The following LPIN1 variants were observed in gnomAD, a reference collection of about 807,000 sequenced individuals.
The protein encoded by LPIN1 is lipin 1, also known as phosphatidate phosphatase LPIN1.
Under a neutral mutation model 107.5 loss-of-function variants are expected in LPIN1, and 71 were observed. That is an observed-to-expected ratio of 0.66 (90% CI 0.55 to 0.80). LPIN1 has a LOEUF of 0.80. Ranked by LOEUF, LPIN1 falls within the 30% of genes least tolerant of loss-of-function variation. LPIN1 has a pLI of 0.00. For missense variants in LPIN1, 1,043 were observed against 1,160.6 expected, an observed-to-expected ratio of 0.90 and a Z score of 1.47; for synonymous variants, 445 against 452.6, an observed-to-expected ratio of 0.98 and a Z score of 0.21.
Position 11,756,125 on chromosome 2 carries a change from C to T in LPIN1, c.-9-9408C>T, listed in dbSNP as rs1017052665. Among the ~76,000 whole-genome samples, 14 of 152,186 alleles carry T rather than the reference C, an allele frequency of 9.2e-5. 1 individual carries two copies. Among genetic ancestry groups the T allele is most frequent in the Admixed American group, 2.6e-4 (4 of 15,276 alleles). ...ATTTATTGAGACAGTTTTGCATTTG[C>T]ATTTGCTCGGCCAGTCTTATATATA... is the stretch of plus-strand genomic sequence containing the variant. On this transcript the variant is annotated intron_variant, in intron 1 of 20. Transcript: ENST00000674199.
At chr2:11,807,800 C>T (rs142614733) in intron 17 of LPIN1, among the ~76,000 whole-genome samples, 1 of 152,286 alleles carries the variant, frequency 6.6e-6, no homozygotes, top group African/African-American at 2.4e-5. Flanking sequence ...TTCTGAAAAC[C>T]CATCTTCAGG....
At chr2:11,689,687 T>A (rs1312500884) in intron 1 of LPIN1, among the ~76,000 whole-genome samples, 7 of 152,156 alleles carry the variant, frequency 4.6e-5, no homozygotes. Flanking sequence ...GCAGATTGTC[T>A]GAGGTCAGGA....
At chr2:11,779,210 T>C (rs929886298) in intron 6 of LPIN1, among the ~76,000 whole-genome samples, 4 of 152,190 alleles carry the variant, frequency 2.6e-5, no homozygotes, top group African/African-American at 9.7e-5. Context: ...CTTTTTGAGG[T>C]AAGAACAGAC....
chr2:11,734,465 C>T (rs1299819222), intron 1 of LPIN1, among the ~76,000 whole-genome samples: 1 of 152,216 alleles, frequency 6.6e-6, no homozygotes, highest in Non-Finnish European at 1.5e-5. Flanking sequence ...AGTAAGAGCA[C>T]TTGACGGCAC....
At chr2:11,726,777 A>G (rs76555184) in intron 1 of LPIN1, among the ~76,000 whole-genome samples, 2,679 of 152,290 alleles carry the variant, frequency 0.018, 28 homozygotes, top group African/African-American at 0.022. Context: ...ACGATCCTCA[A>G]TGTAGTGAGT....
At chr2:11,783,999 G>T (rs1455661779) in intron 9 of LPIN1, 77 bp downstream of exon 9, 2 of 1,608,320 alleles carry the variant, frequency 1.2e-6, no homozygotes, top group Non-Finnish European at 1.7e-6. Context: ...TTCCCCTTAT[G>T]TTTGATTAGA....
intron 17 of LPIN1, among the ~76,000 whole-genome samples, chr2:11,806,960 G>C (rs956194250): frequency 1.3e-5 from 2 of 151,758 alleles, no homozygotes; most frequent in Non-Finnish European, 2.9e-5. Context: ...TTTTGCTACT[G>C]GGCAGAATCC....
intron 10 of LPIN1, among the ~76,000 whole-genome samples, chr2:11,785,524 C>T (rs1453641782): frequency 6.6e-6 from 1 of 152,170 alleles, no homozygotes; most frequent in African/African-American, 2.4e-5. Flanking sequence ...CAGCACCTGC[C>T]ACATTCGTAG....
chr2:11,804,674 G>A (rs1386199122), intron 16 of LPIN1, 103 bp downstream of exon 16: 8 of 1,273,752 alleles, frequency 6.3e-6, no homozygotes, highest in East Asian at 4.6e-5. Flanking sequence ...GGACTTGCAC[G>A]GTTCGAATTC....
At chr2:11,768,892 C>T (rs973766202) in intron 3 of LPIN1, among the ~76,000 whole-genome samples, 5 of 151,986 alleles carry the variant, frequency 3.3e-5, no homozygotes, top group Admixed American at 2.0e-4. Flanking sequence ...GCCGAGATCG[C>T]GCCACTGCAC....
intron 12 of LPIN1, among the ~76,000 whole-genome samples, chr2:11,789,286 T>C (rs1159324653): frequency 3.9e-5 from 6 of 152,122 alleles, no homozygotes; most frequent in South Asian, 2.1e-4. Flanking sequence ...TGTGTGTGTG[T>C]GCCTGTGCCT....
At chr2:11,714,399 C>T (rs114580794) in intron 2 of LPIN1, among the ~76,000 whole-genome samples, 1 of 152,176 alleles carries the variant, frequency 6.6e-6, no homozygotes, top group East Asian at 1.9e-4. Flanking sequence ...TCCTAGACCC[C>T]ATGTTCCACA....
At position 11,772,878 on chromosome 2, in the gene LPIN1, G is replaced by A. The variant is rs1030792256; in HGVS notation, c.597-742G>A. 2.6e-5 allele frequency among the ~76,000 whole-genome samples: 4 copies of A among 152,070 alleles called. No individual in the cohort carries two copies. In the South Asian group the frequency reaches 6.2e-4, roughly 24 times the overall value. On this transcript the variant is annotated intron_variant, in intron 4 of 20. Coordinates refer to ENST00000674199, the MANE Select transcript of LPIN1 (RefSeq NM_001349206.2). ...TTTGGAATAAAATATATCTTTTTTCGTGGTGAAAAATAAATGTCAACTGGC... is the reference window on the plus strand; with the variant it reads ...TTTGGAATAAAATATATCTTTTTTCATGGTGAAAAATAAATGTCAACTGGC...
At chr2:11,739,298 G>A (rs1456908463) in intron 1 of LPIN1, among the ~76,000 whole-genome samples, 5 of 152,212 alleles carry the variant, frequency 3.3e-5, no homozygotes, top group African/African-American at 9.6e-5. Context: ...CTCCAATCCA[G>A]CCATCACCTT....
upstream of LPIN1, among the ~76,000 whole-genome samples, chr2:11,723,225 G>A (rs754437125): frequency 1.8e-4 from 27 of 152,200 alleles, no homozygotes; most frequent in Non-Finnish European, 3.5e-4. Context: ...AGAGTGAGAT[G>A]ACCCATGGTT....
In LPIN1 at chr2:11,795,459, C is replaced by G; in HGVS notation, c.1858C>G (p.Gln620Glu). ...LAGKAHSTGE[Q>E]PPQLSLATRV... Reference sequence around the variant, plus strand: ...TGGCAAGGCCCATAGCACCGGAGAGCAACCGCCGCAGCTCAGCTTGGCCAC... The same window carrying G: ...TGGCAAGGCCCATAGCACCGGAGAGGAACCGCCGCAGCTCAGCTTGGCCAC... The change falls in exon 14 of 21, where the codon CAA becomes GAA. Residue 620 changes from glutamine (Q) to glutamate (E), a missense_variant. Coordinates refer to ENST00000674199, the MANE Select transcript of LPIN1 (RefSeq NM_001349206.2). 6.2e-7 allele frequency: 1 copy of G among 1,614,102 alleles called. No homozygotes were observed. The highest frequency in any genetic ancestry group is 1.7e-4 in the Middle Eastern group (1 of 6,060).
intron 14 of LPIN1, among the ~76,000 whole-genome samples, chr2:11,801,013 A>G (rs560099460): frequency 6.6e-6 from 1 of 152,300 alleles, no homozygotes; most frequent in East Asian, 1.9e-4. Context: ...CATTTGCTCA[A>G]CATCACTAAT....
intron 2 of LPIN1, among the ~76,000 whole-genome samples, chr2:11,714,814 C>G (rs1012984599): frequency 8.5e-5 from 13 of 152,194 alleles, no homozygotes; most frequent in African/African-American, 3.1e-4. Flanking sequence ...CCTCGAGGAG[C>G]CCACAGTTAG....
intron 14 of LPIN1, among the ~76,000 whole-genome samples, chr2:11,795,861 C>T (rs1676623265): frequency 6.6e-6 from 1 of 152,194 alleles, no homozygotes; most frequent in African/African-American, 2.4e-5. Flanking sequence ...AAATAAGTTT[C>T]ACTTCTGAAG....
Sources: allele counts gnomAD v4.1 joint callset (sites outside exome capture counted in the v4.1 genomes callset), GRCh38; gene constraint gnomAD v4.1.1; transcripts MANE v1.5; gene names NCBI Gene and HGNC (gene_info 2026-07-23, HGNC 2026-07-21).